The following LDLRAD3 variants were observed in gnomAD, a reference collection of about 807,000 sequenced individuals.
LDLRAD3 encodes low density lipoprotein receptor class A domain containing 3.
LDLRAD3 carries 20 observed loss-of-function variants against 29.4 expected under a neutral mutation model. The ratio of observed to expected loss-of-function variants is 0.68; its 90% confidence interval spans 0.48 to 0.99. LDLRAD3 has a LOEUF of 0.99. LDLRAD3 is among the 50% of genes least tolerant of loss of function. The probability of loss-of-function intolerance (pLI) is 0.00; values close to 1 mark genes in which losing one functional copy is unlikely to be tolerated. For synonymous variants in LDLRAD3, 157 were observed against 192.7 expected (o/e 0.81, Z 1.53); for missense variants, 420 against 454.3 (o/e 0.92, Z 0.69).
At chr11:36,064,222 T>G (rs1218652250) in intron 2 of LDLRAD3, among the ~76,000 whole-genome samples, 1 of 152,232 alleles carries the variant, frequency 6.6e-6, no homozygotes, top group East Asian at 1.9e-4. Flanking sequence ...TGATTGCTAG[T>G]GTATACAAAT....
At chr11:36,104,652 C>T (rs985296679) in intron 4 of LDLRAD3, among the ~76,000 whole-genome samples, 5 of 152,206 alleles carry the variant, frequency 3.3e-5, no homozygotes, top group Non-Finnish European at 2.9e-5. Flanking sequence ...GTACAGTTCT[C>T]ACAGATTCCC....
chr11:36,016,217 G>A (rs1852020453), intron 1 of LDLRAD3, among the ~76,000 whole-genome samples: 1 of 152,208 alleles, frequency 6.6e-6, no homozygotes, highest in Admixed American at 6.5e-5. Flanking sequence ...ATACACTTGT[G>A]TTCTAAAAGG....
chr11:36,106,253 C>G (rs145468850), intron 4 of LDLRAD3, among the ~76,000 whole-genome samples: 1 of 152,170 alleles, frequency 6.6e-6, no homozygotes, highest in Non-Finnish European at 1.5e-5. Flanking sequence ...GCACAGACCT[C>G]ATTATCTCTC....
chr11:36,110,520 G>T (rs1565230001), intron 4 of LDLRAD3, among the ~76,000 whole-genome samples: 3 of 152,192 alleles, frequency 2.0e-5, no homozygotes, highest in Non-Finnish European at 4.4e-5. Flanking sequence ...CCCTAAGACT[G>T]CTGTGTTGTG....
At chr11:35,946,861 A>G (rs1851063633) in intron 1 of LDLRAD3, among the ~76,000 whole-genome samples, 1 of 152,228 alleles carries the variant, frequency 6.6e-6, no homozygotes, top group African/African-American at 2.4e-5. Context: ...ACATCTCAGC[A>G]CAGCTCAGCT....
chr11:36,172,753 A>G (rs1210394349), intron 4 of LDLRAD3, among the ~76,000 whole-genome samples: 2 of 152,074 alleles, frequency 1.3e-5, no homozygotes, highest in Non-Finnish European at 2.9e-5. Context: ...GGATTTTTGC[A>G]TCTATGTTCA....
At chr11:36,117,233 A>G (rs1177805362) in intron 4 of LDLRAD3, among the ~76,000 whole-genome samples, 1 of 152,228 alleles carries the variant, frequency 6.6e-6, no homozygotes, top group Non-Finnish European at 1.5e-5. Flanking sequence ...CTCTGAGATC[A>G]GTGATCCATT....
chr11:36,210,102 G>A (rs917154832), intron 4 of LDLRAD3, among the ~76,000 whole-genome samples: 3 of 152,202 alleles, frequency 2.0e-5, no homozygotes, highest in African/African-American at 7.2e-5. Context: ...GTAATCCTGA[G>A]GTTCCCAGAG....
chr11:35,976,056 G>C (rs1851471992), intron 1 of LDLRAD3, among the ~76,000 whole-genome samples: 1 of 152,012 alleles, frequency 6.6e-6, no homozygotes, highest in Non-Finnish European at 1.5e-5. Flanking sequence ...CTGGTGAGGG[G>C]TGGAGGGGTC....
chr11:36,168,262 G>C (rs1854542941), intron 4 of LDLRAD3, among the ~76,000 whole-genome samples: 1 of 152,094 alleles, frequency 6.6e-6, no homozygotes, highest in Non-Finnish European at 1.5e-5. Flanking sequence ...CCTAAATGCT[G>C]TCCAGATTTA....
At chr11:36,211,737 T>C (rs138807229) in intron 4 of LDLRAD3, among the ~76,000 whole-genome samples, 3 of 152,352 alleles carry the variant, frequency 2.0e-5, no homozygotes, top group Non-Finnish European at 2.9e-5. Context: ...AGTGAGGTTT[T>C]ATTTGCAACA....
chr11:35,980,965 T>G (rs1851533487), intron 1 of LDLRAD3, among the ~76,000 whole-genome samples: 1 of 152,124 alleles, frequency 6.6e-6, no homozygotes, highest in African/African-American at 2.4e-5. Context: ...AAGCTATTAT[T>G]GGGGACCCTC....
chr11:36,005,432 C>T (rs562434897), intron 1 of LDLRAD3, among the ~76,000 whole-genome samples: 13 of 152,328 alleles, frequency 8.5e-5, no homozygotes, highest in Admixed American at 3.9e-4. Context: ...CTCCCGTTCC[C>T]GATAAGTTCC....
intron 1 of LDLRAD3, among the ~76,000 whole-genome samples, chr11:35,950,580 A>C (rs1224865619): frequency 6.6e-6 from 1 of 151,966 alleles, no homozygotes; most frequent in Non-Finnish European, 1.5e-5. Context: ...TATATGTAAA[A>C]CCTTTCTTAC....
chr11:36,098,472 C>A lies in LDLRAD3; in HGVS notation c.454+11C>A. 6.2e-7 allele frequency: 1 copy of A among 1,614,066 alleles called. No homozygotes were observed. The highest frequency in any genetic ancestry group is 8.5e-7 in the Non-Finnish European group (1 of 1,179,950). On this transcript the variant is annotated intron_variant, in intron 4 of 5. Coordinates refer to ENST00000315571, the MANE Select transcript of LDLRAD3 (RefSeq NM_174902.4). ...GTGAAAGTTCTCAAGGTAGGAACCT[C>A]TCAAGCTCTAAAAAGATAATTGCAA...
chr11:36,095,159 C>T (rs1025442662), intron 3 of LDLRAD3, among the ~76,000 whole-genome samples: 5 of 152,182 alleles, frequency 3.3e-5, no homozygotes, highest in Admixed American at 3.3e-4. Flanking sequence ...GCACTGCAGT[C>T]GGTGACTGAG....
At chr11:36,172,854 G>A (rs922873543) in intron 4 of LDLRAD3, among the ~76,000 whole-genome samples, 2 of 152,066 alleles carry the variant, frequency 1.3e-5, no homozygotes, top group Admixed American at 6.6e-5. Context: ...AAAGATTTAG[G>A]GAGAATTCTC....
chr11:36,155,769 C>T (rs568818920), intron 4 of LDLRAD3, among the ~76,000 whole-genome samples: 4 of 152,296 alleles, frequency 2.6e-5, no homozygotes, highest in Non-Finnish European at 5.9e-5. Flanking sequence ...CCGCCTGGCT[C>T]ATAGTAGGTG....
intron 4 of LDLRAD3, among the ~76,000 whole-genome samples, chr11:36,145,511 A>G (rs1216592903): frequency 1.3e-5 from 2 of 150,590 alleles, no homozygotes; most frequent in African/African-American, 4.9e-5. Context: ...GGTGTACTCA[A>G]CAGCTCATTG....
Sources: allele counts gnomAD v4.1 joint callset (sites outside exome capture counted in the v4.1 genomes callset), GRCh38; gene constraint gnomAD v4.1.1; transcripts MANE v1.5; gene names NCBI Gene and HGNC (gene_info 2026-07-23, HGNC 2026-07-21).